The following BCAS3 variants were observed in gnomAD, a reference collection of about 807,000 sequenced individuals.
BCAS3 encodes BCAS3 microtubule associated cell migration factor, also known as BCAS4/BCAS3 fusion.
Under a neutral mutation model 116.1 loss-of-function variants are expected in BCAS3, and 53 were observed. The ratio of observed to expected loss-of-function variants is 0.46; its 90% CI spans 0.37 to 0.57. The LOEUF (loss-of-function observed/expected upper bound fraction) is 0.57. Ranked by LOEUF, BCAS3 falls within the 20% of genes least tolerant of loss-of-function variation. The pLI, the probability that BCAS3 is intolerant of heterozygous loss-of-function variation, is 0.00. For synonymous variants in BCAS3, 391 were observed against 408.2 expected, an observed-to-expected ratio of 0.96 and a Z score of 0.51; for missense variants, 917 against 1,165.4, an observed-to-expected ratio of 0.79 and a Z score of 3.10.
At position 61,087,265 on chromosome 17, in the gene BCAS3, T is replaced by A. The variant is rs2033473648; in HGVS notation, c.2425+2701T>A. 1.0e-6 allele frequency: 1 copy of A among 955,616 alleles called. No homozygotes were observed. Among genetic ancestry groups the A allele is most frequent in the South Asian group, 4.8e-5 (1 of 20,642 alleles). 59.2% of individuals were successfully genotyped at this position (955,616 alleles called of 1,614,324 possible). A position where few individuals can be genotyped will look rare whatever the true frequency, so the allele number is the denominator to read the frequency against. ...ACCAGTGTGGCACCTCCTCTGTTGG[T>A]CTTCATTGCCCTGTATTACCTTCAA... On this transcript the variant is annotated intron_variant, in intron 22 of 23. Transcript: ENST00000407086. The surrounding 1 kb of genome is among the most constrained non-coding windows in gnomAD (Gnocchi z 4.6).
At chr17:61,385,213 C>T (rs1288052959) in intron 23 of BCAS3, among the ~76,000 whole-genome samples, 1 of 152,212 alleles carries the variant, frequency 6.6e-6, no homozygotes, top group African/African-American at 2.4e-5. Flanking sequence ...AGCCTGGAGC[C>T]ATGTCTGCCT....
At chr17:60,863,640 G>A (rs2054345079) in intron 7 of BCAS3, among the ~76,000 whole-genome samples, 1 of 152,100 alleles carries the variant, frequency 6.6e-6, no homozygotes, top group Non-Finnish European at 1.5e-5. Context: ...TGTAGCCCCA[G>A]CTACTCAGGA....
intron 6 of BCAS3, among the ~76,000 whole-genome samples, chr17:60,793,094 T>A (rs1441659447): frequency 2.0e-5 from 3 of 152,100 alleles, no homozygotes; most frequent in African/African-American, 7.2e-5. Flanking sequence ...TATTTTTAAA[T>A]TTTTAATTAA....
At chr17:61,184,055 A>T (rs965708467) in intron 22 of BCAS3, among the ~76,000 whole-genome samples, 1 of 152,208 alleles carries the variant, frequency 6.6e-6, no homozygotes, top group Admixed American at 6.5e-5. Context: ...CTTGTTTTCA[A>T]TTGAGGAGAC....
chr17:61,340,550 T>A (rs2057070911), intron 22 of BCAS3, among the ~76,000 whole-genome samples: 1 of 152,124 alleles, frequency 6.6e-6, no homozygotes, highest in African/African-American at 2.4e-5. Flanking sequence ...TAAAGGTCCG[T>A]CTGGTGTGAG....
rs201141656 is a variant in BCAS3 at position 61,373,804 on chromosome 17, C to CTTTTTTTTTT, written c.2593+5313_2593+5314insTTTTTTTTTT. On this transcript the variant is annotated intron_variant, in intron 23 of 23. Transcript: ENST00000407086. ...TTGCTGCTGTTAACTTCTTCTTCTT[C>CTTTTTTTTTT]TTTGTTTTTTTTTTTTTTTTTTTTG... 2.1e-4 allele frequency among the ~76,000 whole-genome samples: 16 copies of CTTTTTTTTTT among 76,124 alleles called. 2 individuals carry two copies. Among genetic ancestry groups the CTTTTTTTTTT allele is most frequent in the Admixed American group, 3.3e-4 (2 of 6,070 alleles). 49.9% of individuals were successfully genotyped at this position (76,124 alleles called of 152,430 possible).
intron 22 of BCAS3, among the ~76,000 whole-genome samples, chr17:61,147,435 C>G (rs1180126586): frequency 2.6e-5 from 4 of 152,058 alleles, no homozygotes; most frequent in African/African-American, 9.7e-5. Flanking sequence ...GGTTGCCAGG[C>G]TGGTCTTGAA....
chr17:60,683,945 T>C (rs773719014), intron 2 of BCAS3, 37 bp from the exon 3 acceptor site: 2 of 1,558,252 alleles, frequency 1.3e-6, no homozygotes, highest in Non-Finnish European at 1.8e-6. Context: ...TATATTAAGC[T>C]CTCCTGACCA....
chr17:60,745,492 T>A (rs555616603), intron 5 of BCAS3, among the ~76,000 whole-genome samples: 1 of 152,188 alleles, frequency 6.6e-6, no homozygotes, highest in South Asian at 2.1e-4. Context: ...AAGACTGTAA[T>A]TTTTAGATTT....
chr17:60,786,093 A>T (rs2046263555), intron 6 of BCAS3, among the ~76,000 whole-genome samples: 1 of 152,210 alleles, frequency 6.6e-6, no homozygotes, highest in African/African-American at 2.4e-5. Context: ...CCAATCCCGC[A>T]CAGATACCAA....
rs750216943 is a variant in BCAS3, at chr17:61,219,284, C to T, written c.2425+134720C>T. Among the ~76,000 whole-genome samples the T allele has an allele frequency of 1.3e-5, 2 of 152,042 alleles. No individual in the cohort carries two copies. The highest frequency in any genetic ancestry group is 2.9e-5 in the Non-Finnish European group (2 of 68,006). ...AATCCTGTGTCTCAGTGGTACCCAGCGATACCCTGGAGAGGAACATTCCAG... is the reference window on the plus strand; with the variant it reads ...AATCCTGTGTCTCAGTGGTACCCAGTGATACCCTGGAGAGGAACATTCCAG... On this transcript the variant is annotated intron_variant, in intron 22 of 23. Transcript: ENST00000407086. The surrounding 1 kb of genome is among the most constrained non-coding windows in gnomAD (Gnocchi z 5.2).
At position 61,344,796 on chromosome 17, in the gene BCAS3, T is replaced by C. The variant is rs1055506901; in HGVS notation, c.2426-23531T>C. Among the ~76,000 whole-genome samples the C allele has an allele frequency of 6.6e-6, 1 of 151,962 alleles. No individual in the cohort carries two copies. The highest frequency in any genetic ancestry group is 2.1e-4 in the South Asian group (1 of 4,804). ...GGAAGGGAGTGGGAGAGATGAGCCA[T>C]GGGAAGCCAGCAGGGCCCAGGTCAT... On this transcript the variant is annotated intron_variant, in intron 22 of 23. Transcript: ENST00000407086. The surrounding 1 kb of genome is among the most constrained non-coding windows in gnomAD (Gnocchi z 4.1).
intron 5 of BCAS3, among the ~76,000 whole-genome samples, chr17:60,732,891 A>G (rs1441145334): frequency 2.0e-5 from 3 of 152,186 alleles, no homozygotes; most frequent in African/African-American, 7.2e-5. Flanking sequence ...ACCAAAATAT[A>G]TTCTTCAATA....
At chr17:60,855,480 A>G (rs746994342) in intron 7 of BCAS3, among the ~76,000 whole-genome samples, 6 of 131,934 alleles carry the variant, frequency 4.5e-5, no homozygotes. Context: ...TTTGAGGCAG[A>G]GTCTTGCTCT....
rs1252753024 is a variant in BCAS3 at position 61,324,099 on chromosome 17, A to C, written c.2426-44228A>C. On this transcript the variant is annotated intron_variant, in intron 22 of 23. Transcript: ENST00000407086. The surrounding 1 kb of genome is among the most constrained non-coding windows in gnomAD (Gnocchi z 4.6). The stretch of plus-strand genomic sequence containing the variant: ...CTTGTAACCCTCTGCTAGATCACTT[A>C]GCACATGGGACATACTGGGACTCTT... 6.6e-6 allele frequency among the ~76,000 whole-genome samples: 1 copy of C among 152,188 alleles called. No homozygotes were observed. The highest frequency in any genetic ancestry group is 2.4e-5 in the African/African-American group (1 of 41,446).
At chr17:60,972,608 T>C (rs1334199638) in intron 14 of BCAS3, among the ~76,000 whole-genome samples, 1 of 151,992 alleles carries the variant, frequency 6.6e-6, no homozygotes. Context: ...CATACCACCA[T>C]GCCCAGCTAA....
intron 22 of BCAS3, among the ~76,000 whole-genome samples, chr17:61,230,445 G>A (rs377628363): frequency 2.6e-5 from 4 of 151,972 alleles, no homozygotes; most frequent in South Asian, 2.1e-4. Flanking sequence ...TTTTCAACCC[G>A]TGCCCTGTCT....
intron 22 of BCAS3, among the ~76,000 whole-genome samples, chr17:61,351,625 C>T (rs915696119): frequency 1.3e-5 from 2 of 152,222 alleles, no homozygotes; most frequent in Admixed American, 6.5e-5. Context: ...AGAGCTAGAT[C>T]GAGCACAAGT....
At chr17:61,061,790 C>T (rs2070070409) in intron 19 of BCAS3, among the ~76,000 whole-genome samples, 1 of 152,106 alleles carries the variant, frequency 6.6e-6, no homozygotes, top group Admixed American at 6.5e-5. Flanking sequence ...TAATTCTACA[C>T]AGAATTTAGC....
Sources: allele counts gnomAD v4.1 joint callset (sites outside exome capture counted in the v4.1 genomes callset), GRCh38; gene constraint gnomAD v4.1.1; non-coding constraint Gnocchi (gnomAD v3.1); transcripts MANE v1.5; gene names NCBI Gene and HGNC (gene_info 2026-07-23, HGNC 2026-07-21).